CSNK1A1: variants seen among roughly 807,000 people sequenced by gnomAD.
CSNK1A1 encodes casein kinase I isoform alpha.
A neutral mutation model predicts 46.1 loss-of-function variants in CSNK1A1; 7 were observed. That is an observed-to-expected ratio of 0.15 (90% CI 0.09 to 0.29). CSNK1A1 has a LOEUF of 0.29. Ranked by LOEUF, CSNK1A1 falls within the 10% of genes least tolerant of loss-of-function variation. The pLI, the probability that CSNK1A1 is intolerant of heterozygous loss-of-function variation, is 1.00. For missense variants in CSNK1A1, 96 were observed against 417.1 expected, an observed-to-expected ratio of 0.23 and a Z score of 6.71; for synonymous variants, 137 against 141.5, an observed-to-expected ratio of 0.97 and a Z score of 0.23.
Position 149,550,778 on chromosome 5 carries a change from C to CGGT in CSNK1A1, c.123+61_123+63dup. ...GAGGCCCGAGCACTTTGGGGGTGCA[C>CGGT]GGTGGTGGTGGGGGGAATGAGTAAA... On this transcript the variant is annotated intron_variant, in intron 1 of 9. Coordinates refer to ENST00000377843, the MANE Select transcript of CSNK1A1 (RefSeq NM_001892.6). The surrounding 1 kb of genome is among the most constrained non-coding windows in gnomAD (Gnocchi z 4.3). 1.2e-6 allele frequency: 2 copies of CGGT among 1,607,510 alleles called. No individual in the cohort carries two copies. The highest frequency in any genetic ancestry group is 1.7e-6 in the Non-Finnish European group (2 of 1,175,932).
At chr5:149,529,893 T>G (rs1443979825) in intron 2 of CSNK1A1, among the ~76,000 whole-genome samples, 3 of 152,150 alleles carry the variant, frequency 2.0e-5, no homozygotes, top group African/African-American at 7.2e-5. Context: ...GATTTCAAGC[T>G]AGGGGTTTGC....
chr5:149,502,219 C>T (rs1419697941), intron 9 of CSNK1A1: 1 of 939,958 alleles, frequency 1.1e-6, no homozygotes, highest in Non-Finnish European at 1.3e-6. Flanking sequence ...GTAAATGCTA[C>T]CATTTTGGGG....
At chr5:149,549,636 A>C (rs1333721921) in intron 2 of CSNK1A1, 7 of 652,850 alleles carry the variant, frequency 1.1e-5, no homozygotes, top group Non-Finnish European at 2.0e-5. Flanking sequence ...TTGGAACAAA[A>C]ACACAACAAA....
Position 149,551,080 on chromosome 5 carries a change from C to G in CSNK1A1, c.-116G>C, listed in dbSNP as rs929720366. On this transcript the variant is annotated 5_prime_UTR_variant, in exon 1 of 10. Transcript: ENST00000377843. ...CGGAGGAGGGCGGCAGGAAACGGAA[C>G]ACGGAGGCCTTTACCGGGGTTCGGG... 19 of 1,163,472 alleles carry G rather than the reference C, an allele frequency of 1.6e-5. No homozygotes were observed. In the South Asian group the frequency reaches 2.3e-4, roughly 14 times the overall value. 72.1% of individuals were successfully genotyped at this position (1,163,472 alleles called of 1,614,324 possible). A position where few individuals can be genotyped will look rare whatever the true frequency, so the allele number is the denominator to read the frequency against.
At chr5:149,531,738 G>C (rs1291780734) in intron 2 of CSNK1A1, among the ~76,000 whole-genome samples, 1 of 150,786 alleles carries the variant, frequency 6.6e-6, no homozygotes, top group Non-Finnish European at 1.5e-5. Flanking sequence ...GCACATGGTG[G>C]TGGGGACCTG....
At chr5:149,513,388 A>G (rs997628596) in intron 4 of CSNK1A1, among the ~76,000 whole-genome samples, 179 bp from the exon 5 acceptor site, 1 of 150,750 alleles carries the variant, frequency 6.6e-6, no homozygotes, top group Non-Finnish European at 1.5e-5. Context: ...ACTAGTCTTC[A>G]TCAATAAATC....
chr5:149,507,051 C>T lies in CSNK1A1; in HGVS notation c.833G>A (p.Arg278Lys), dbSNP rs779124439. 6.2e-7 allele frequency: 1 copy of T among 1,613,572 alleles called. No homozygotes were observed. Among genetic ancestry groups the T allele is most frequent in the Non-Finnish European group, 8.5e-7 (1 of 1,179,756 alleles). The change falls in exon 8 of 10, where the codon AGG becomes AAG. Residue 278 changes from arginine (R) to lysine (K), a missense_variant. Coordinates refer to ENST00000377843, the MANE Select transcript of CSNK1A1 (RefSeq NM_001892.6). ...CCTGAAAAGAATGCGGAATAGCTGC[C>T]TCAGATACATGTAATCTGGGGCTTC... is the stretch of plus-strand genomic sequence containing the variant. ...FEEAPDYMYL[R>K]QLFRILFRTL...
intron 2 of CSNK1A1, among the ~76,000 whole-genome samples, chr5:149,549,062 C>G (rs1762574786): frequency 6.6e-6 from 1 of 152,154 alleles, no homozygotes; most frequent in Admixed American, 6.6e-5. Context: ...ATGTCTATCT[C>G]GTCATCTTTT....
At chr5:149,534,528 T>A (rs1211669257) in intron 2 of CSNK1A1, among the ~76,000 whole-genome samples, 1 of 150,282 alleles carries the variant, frequency 6.7e-6, no homozygotes, top group Non-Finnish European at 1.5e-5. Context: ...CTAAAAATGT[T>A]AGCACCTGGG....
intron 5 of CSNK1A1, 25 bp downstream of exon 5, chr5:149,513,045 A>G (rs1161324842): frequency 1.2e-6 from 2 of 1,612,686 alleles, no homozygotes; most frequent in Non-Finnish European, 1.7e-6. Context: ...TGGCTATGAT[A>G]AGCACATTCC....
intron 6 of CSNK1A1, among the ~76,000 whole-genome samples, chr5:149,510,775 C>T (rs1199045976): frequency 6.6e-6 from 1 of 152,148 alleles, no homozygotes; most frequent in Non-Finnish European, 1.5e-5. Flanking sequence ...CCACCATGCT[C>T]AGCCTGAAAA....
chr5:149,550,744 C>A lies in CSNK1A1; in HGVS notation c.123+98G>T, dbSNP rs1762632046. On this transcript the variant is annotated intron_variant, in intron 1 of 9. Transcript: ENST00000377843. This position sits in a 1 kb window ranked among gnomAD's most constrained non-coding sequence, Gnocchi z 4.3. ...CCCTGGACTCCCTGGCGAGTGCGTG[C>A]GATGAGGAGAGGCCCGAGCACTTTG... 1.3e-6 allele frequency: 2 copies of A among 1,529,148 alleles called. No homozygotes were observed. Among genetic ancestry groups the A allele is most frequent in the South Asian group, 2.4e-5 (2 of 83,726 alleles). The allele number at this position is 1,529,148 out of a possible 1,614,324, so 94.7% of individuals were successfully genotyped here. A position where few individuals can be genotyped will look rare whatever the true frequency, so the allele number is the denominator to read the frequency against.
In CSNK1A1 at chr5:149,501,399, T is replaced by C. The variant is rs1310370785; in HGVS notation, c.1006+4048A>G. On this transcript the variant is annotated intron_variant, in intron 9 of 9. Transcript: ENST00000377843. ...TCAAAATCTTCCCCTGTGATGTGGGTGTGCTGCTGAGTGACCAGCACATTC... is the reference window on the plus strand; with the variant it reads ...TCAAAATCTTCCCCTGTGATGTGGGCGTGCTGCTGAGTGACCAGCACATTC... The C allele has an allele frequency of 4.1e-6, 4 of 985,462 alleles. No individual in the cohort carries two copies. The East Asian group carries it at 4.5e-4, about 112-fold the overall frequency. 61.0% of individuals were successfully genotyped at this position (985,462 alleles called of 1,614,324 possible).
chr5:149,525,190 AAG>A lies in CSNK1A1; in HGVS notation c.231-21_231-20del, dbSNP rs1561763027. On this transcript the variant is annotated intron_variant, in intron 2 of 9. Coordinates refer to ENST00000377843, the MANE Select transcript of CSNK1A1 (RefSeq NM_001892.6). This position sits in a 1 kb window ranked among gnomAD's most constrained non-coding sequence, Gnocchi z 4.2. The stretch of plus-strand genomic sequence containing the variant: ...ATACCACCTAACGAAACAAAAGGAG[AAG>A]AGAGGATATTACAAAAAGCTATTAC... The A allele has an allele frequency of 4.4e-6, 7 of 1,582,124 alleles. No homozygotes were observed. The highest frequency in any genetic ancestry group is 1.7e-4 in the Middle Eastern group (1 of 5,898).
intron 9 of CSNK1A1, chr5:149,498,611 T>G: frequency 1.0e-6 from 1 of 985,130 alleles, no homozygotes; most frequent in Non-Finnish European, 1.2e-6. Flanking sequence ...TTAAACAGGA[T>G]TAAACAGAAT....
intron 2 of CSNK1A1, among the ~76,000 whole-genome samples, chr5:149,540,388 C>T (rs2113173190): frequency 6.6e-6 from 1 of 152,254 alleles, no homozygotes; most frequent in South Asian, 2.1e-4. Context: ...TACCCCACTG[C>T]TCACACCGAC....
At chr5:149,547,664 A>C (rs931627032) in intron 2 of CSNK1A1, among the ~76,000 whole-genome samples, 1 of 152,088 alleles carries the variant, frequency 6.6e-6, no homozygotes, top group African/African-American at 2.4e-5. Flanking sequence ...TTATTTTCCC[A>C]CATAGTAGGT....
intron 2 of CSNK1A1, among the ~76,000 whole-genome samples, chr5:149,541,430 G>A (rs957780264): frequency 1.3e-5 from 2 of 152,098 alleles, no homozygotes; most frequent in East Asian, 2.0e-4. Flanking sequence ...TGGGATTACA[G>A]GTGTGGCATG....
intron 4 of CSNK1A1, among the ~76,000 whole-genome samples, chr5:149,516,220 T>G (rs1426511559): frequency 6.6e-6 from 1 of 151,838 alleles, no homozygotes; most frequent in Non-Finnish European, 1.5e-5. Context: ...TTCGGGAGGC[T>G]GAGACAGAAT....
Sources: allele counts gnomAD v4.1 joint callset (sites outside exome capture counted in the v4.1 genomes callset), GRCh38; gene constraint gnomAD v4.1.1; non-coding constraint Gnocchi (gnomAD v3.1); transcripts MANE v1.5; gene names NCBI Gene and HGNC (gene_info 2026-07-23, HGNC 2026-07-21).